MITF: variants seen among roughly 807,000 people sequenced by gnomAD.
MITF encodes the protein melanocyte inducing transcription factor, also known as microphthalmia-associated transcription factor.
A neutral mutation model predicts 60.5 loss-of-function variants in MITF; 17 were observed. The observed-to-expected ratio is 0.28, with a 90% CI of 0.19 to 0.42. The LOEUF (loss-of-function observed/expected upper bound fraction) is 0.42. Among genes scored for constraint, MITF ranks in the 10% least tolerant of loss-of-function variants. The probability of loss-of-function intolerance (pLI) is 1.00; values close to 1 mark genes in which losing one functional copy is unlikely to be tolerated. For synonymous variants in MITF, 260 were observed against 248.5 expected (o/e 1.05, Z -0.43); for missense variants, 622 against 683.5 (o/e 0.91, Z 1.00).
At chr3:69,961,488 C>T (rs552075994) in intron 9 of MITF, among the ~76,000 whole-genome samples, 16 of 151,364 alleles carry the variant, frequency 1.1e-4, no homozygotes, top group Middle Eastern at 3.4e-3. Flanking sequence ...GGGTGGATCA[C>T]GAGTTCAGGA....
At chr3:69,802,056 G>A (rs1575735836) in intron 1 of MITF, among the ~76,000 whole-genome samples, 1 of 152,212 alleles carries the variant, frequency 6.6e-6, no homozygotes, top group East Asian at 1.9e-4. Context: ...AAGTGGTATT[G>A]TACACATTTT....
At chr3:69,868,899 C>CAAA (rs75440769) in intron 1 of MITF, among the ~76,000 whole-genome samples, 950 of 77,208 alleles carry the variant, frequency 0.012, 4 homozygotes, top group African/African-American at 0.037. Flanking sequence ...GACTCCATCT[C>CAAA]AAAAAAAAAA....
intron 2 of MITF, among the ~76,000 whole-genome samples, chr3:69,926,496 G>T (rs1029438450): frequency 4.6e-5 from 7 of 152,114 alleles, no homozygotes; most frequent in Admixed American, 1.3e-4. Context: ...AGAAGGAGTT[G>T]TTCTGCCTGT....
chr3:69,873,949 C>G (rs1275679583), intron 1 of MITF, among the ~76,000 whole-genome samples: 3 of 152,144 alleles, frequency 2.0e-5, no homozygotes, highest in Non-Finnish European at 4.4e-5. Flanking sequence ...AAGTTCTCAG[C>G]GAATTTTGTT....
At chr3:69,953,625 G>A (rs867491613) in intron 7 of MITF, among the ~76,000 whole-genome samples, 680 of 121,988 alleles carry the variant, frequency 5.6e-3, no homozygotes, top group Non-Finnish European at 8.2e-3. Context: ...ATATATATAT[G>A]TGTGTATATA....
chr3:69,940,227 G>A (rs2065938278), intron 4 of MITF, among the ~76,000 whole-genome samples: 3 of 152,050 alleles, frequency 2.0e-5, no homozygotes, highest in African/African-American at 7.2e-5. Flanking sequence ...AGGAGAACGG[G>A]GATTCCAACC....
At chr3:69,937,769 T>C (rs978208377) in intron 2 of MITF, 53 bp from the exon 3 acceptor site, 1 of 1,500,338 alleles carries the variant, frequency 6.7e-7, no homozygotes, top group South Asian at 1.1e-5. Flanking sequence ...AAGAGCCGTC[T>C]GAAACTCACA....
chr3:69,949,179 A>G lies in MITF; in HGVS notation c.880+11A>G, dbSNP rs1576029390. On this transcript the variant is annotated intron_variant, in intron 6 of 9. Transcript: ENST00000352241. ...AAAGGGAGCTCACAGGTAAACACCT[A>G]GTAAATGTGCCTCTTACTGCAGATT... is the stretch of plus-strand genomic sequence containing the variant. The G allele has an allele frequency of 1.9e-6, 3 of 1,571,116 alleles. No individual in the cohort carries two copies. Among genetic ancestry groups the G allele is most frequent in the Non-Finnish European group, 2.6e-6 (3 of 1,140,974 alleles).
intron 1 of MITF, among the ~76,000 whole-genome samples, chr3:69,756,076 A>G (rs753106296): frequency 2.0e-4 from 31 of 152,152 alleles, no homozygotes; most frequent in Non-Finnish European, 3.4e-4. Flanking sequence ...TATCGCTGAA[A>G]AAACTCTAAC....
chr3:69,784,004 C>T (rs1337261713), intron 1 of MITF, among the ~76,000 whole-genome samples: 1 of 152,158 alleles, frequency 6.6e-6, no homozygotes, highest in East Asian at 1.9e-4. Context: ...TTCTTCTCCC[C>T]TTTCAAATAT....
chr3:69,837,503 T>A (rs946657411), intron 1 of MITF, among the ~76,000 whole-genome samples: 5 of 152,236 alleles, frequency 3.3e-5, no homozygotes, highest in Non-Finnish European at 1.5e-5. Context: ...TGGGATTTTA[T>A]AGGTGACTTA....
At chr3:69,809,574 CA>C (rs1015737968) in intron 1 of MITF, among the ~76,000 whole-genome samples, 16 of 148,450 alleles carry the variant, frequency 1.1e-4, no homozygotes, top group African/African-American at 3.4e-4. Flanking sequence ...GAATTAAAAA[CA>C]AAAACCTACA....
At chr3:69,826,529 A>T (rs2063357709) in intron 1 of MITF, among the ~76,000 whole-genome samples, 2 of 152,198 alleles carry the variant, frequency 1.3e-5, no homozygotes, top group African/African-American at 2.4e-5. Flanking sequence ...AACATTCATT[A>T]TAATTACTTT....
rs79543934 is a variant in MITF at position 69,864,415 on chromosome 3, G to T, written c.105-14719G>T. 9.0e-3 allele frequency among the ~76,000 whole-genome samples: 1,368 copies of T among 152,314 alleles called. 17 individuals are homozygous for T. The highest frequency in any genetic ancestry group is 0.03 in the African/African-American group (1,246 of 41,550). On this transcript the variant is annotated intron_variant, in intron 1 of 9. Coordinates refer to ENST00000352241, the MANE Select transcript of MITF (RefSeq NM_001354604.2). ...ATGTAGAAAGTGCTCAATGACTGCT[G>T]TTGATGAACTTTCTCCTCTAATCGT...
intron 1 of MITF, among the ~76,000 whole-genome samples, chr3:69,870,118 C>T (rs1292812350): frequency 6.7e-6 from 1 of 149,392 alleles, no homozygotes; most frequent in Non-Finnish European, 1.5e-5. Flanking sequence ...TGCTATAGTA[C>T]AGTTGCCGTA....
intron 1 of MITF, among the ~76,000 whole-genome samples, chr3:69,805,822 C>A (rs967533108): frequency 1.3e-5 from 2 of 152,026 alleles, no homozygotes; most frequent in African/African-American, 4.8e-5. Context: ...CCATGTCTGG[C>A]TAATTTTTTA....
At chr3:69,915,891 T>C (rs899797061) in intron 2 of MITF, among the ~76,000 whole-genome samples, 13 of 152,304 alleles carry the variant, frequency 8.5e-5, no homozygotes, top group Non-Finnish European at 1.5e-4. Flanking sequence ...GAACACCTGA[T>C]TGGTGGATCC....
At chr3:69,775,822 T>G (rs939237337) in intron 1 of MITF, among the ~76,000 whole-genome samples, 1 of 152,214 alleles carries the variant, frequency 6.6e-6, no homozygotes, top group Non-Finnish European at 1.5e-5. Flanking sequence ...ACCTACTGTG[T>G]GTAAAAAAGA....
chr3:69,936,463 T>C, intron 2 of MITF: 1 of 595,298 alleles, frequency 1.7e-6, no homozygotes, highest in Non-Finnish European at 2.6e-6. Context: ...GGGGGAAAAA[T>C]TGATATCAAC....
Sources: gnomAD v4.1 joint callset for allele counts (sites outside exome capture counted in the v4.1 genomes callset) on GRCh38, gnomAD v4.1.1 for gene constraint, MANE v1.5 for transcripts, NCBI Gene and HGNC (gene_info 2026-07-23, HGNC 2026-07-21) for gene names.